RASGEF1A: variants seen among roughly 807,000 people sequenced by gnomAD.
The protein encoded by RASGEF1A is ras-GEF domain-containing family member 1A.
Under a neutral mutation model 56.4 loss-of-function variants are expected in RASGEF1A, and 18 were observed. That is an observed-to-expected ratio of 0.32 (90% CI 0.22 to 0.47). The LOEUF (loss-of-function observed/expected upper bound fraction) is 0.47, where lower values mean the gene tolerates loss of function less well. RASGEF1A is among the 20% of genes least tolerant of loss of function. RASGEF1A has a pLI of 1.00. For missense variants in RASGEF1A, 422 were observed against 627.1 expected (o/e 0.67, Z 3.49); for synonymous variants, 245 against 242.6 (o/e 1.01, Z -0.09).
At chr10:43,231,585 G>A (rs1194322448) in intron 1 of RASGEF1A, among the ~76,000 whole-genome samples, 4 of 152,276 alleles carry the variant, frequency 2.6e-5, no homozygotes, top group African/African-American at 7.2e-5. Context: ...GATTGCACCA[G>A]TGTCACCCAA....
chr10:43,246,358 G>T (rs940283208), intron 1 of RASGEF1A, among the ~76,000 whole-genome samples: 2 of 152,120 alleles, frequency 1.3e-5, no homozygotes, highest in Non-Finnish European at 2.9e-5. Context: ...CAGATTCAAT[G>T]CAATCCCTAT....
At chr10:43,207,930 C>G in intron 1 of RASGEF1A, 1 of 696,912 alleles carries the variant, frequency 1.4e-6, no homozygotes, top group African/African-American at 1.9e-5. Context: ...GTCACCACCT[C>G]CAGGAAGCCT....
chr10:43,199,174 C>T lies in RASGEF1A; in HGVS notation c.870G>A (p.Arg290=). 6.2e-7 allele frequency: 1 copy of T among 1,611,800 alleles called. No individual in the cohort carries two copies. The highest frequency in any genetic ancestry group is 1.3e-5 in the African/African-American group (1 of 75,026). ...CAATGAAGAACTCCAACATGCGGGT[C>T]CGGTGTTTCTTCTTCACCACCTGGA... ...EVCRVVKKKH[R]TRMLEFFIDV... Residue 290 remains arginine, a synonymous_variant, in exon 8 of 13, where the codon CGG becomes CGA. Transcript: ENST00000395810.
intron 2 of RASGEF1A, 75 bp from the exon 3 acceptor site, chr10:43,203,495 T>C: frequency 1.4e-6 from 2 of 1,447,220 alleles, no homozygotes; most frequent in Non-Finnish European, 1.8e-6. Flanking sequence ...CTGCTTCACC[T>C]GGCCCGGCTG....
chr10:43,197,580 C>G (rs972633584), intron 10 of RASGEF1A, among the ~76,000 whole-genome samples: 1 of 152,204 alleles, frequency 6.6e-6, no homozygotes, highest in Non-Finnish European at 1.5e-5. Context: ...ACCCTCCCAT[C>G]CTCACCAGGT....
intron 1 of RASGEF1A, among the ~76,000 whole-genome samples, chr10:43,228,632 G>GGT (rs1840314851): frequency 7.2e-5 from 11 of 152,192 alleles, no homozygotes; most frequent in Non-Finnish European, 1.3e-4. Context: ...CTGCTCTATC[G>GGT]CTGCAGAATG....
chr10:43,227,333 G>A (rs183605981), intron 1 of RASGEF1A, among the ~76,000 whole-genome samples: 1 of 152,254 alleles, frequency 6.6e-6, no homozygotes, highest in Admixed American at 6.5e-5. Context: ...ATGTGTCTGT[G>A]AGTATGTGAC....
At position 43,201,840 on chromosome 10, in the gene RASGEF1A, C is replaced by A. The variant is rs1050439733; in HGVS notation, c.427G>T (p.Ala143Ser). Residue 143 changes from alanine (A) to serine (S), a missense_variant, in exon 4 of 13, where the codon GCC becomes TCC. Physicochemically the swap from Ala to Ser is moderately conservative, Grantham distance 99. Coordinates refer to ENST00000395810, the MANE Select transcript of RASGEF1A (RefSeq NM_145313.4). ...QDEKAMAELK[A>S]ITHRVTQCDE... is the part of the protein sequence containing the mutation. Reference sequence around the variant, plus strand: ...CACTGGGTGACACGGTGTGTGATGGCTTTCAGCTCGGCCATGGCCTTCTCA... The same window carrying A: ...CACTGGGTGACACGGTGTGTGATGGATTTCAGCTCGGCCATGGCCTTCTCA... 5.0e-6 allele frequency: 8 copies of A among 1,610,508 alleles called. No homozygotes were observed. In the African/African-American group the frequency reaches 1.1e-4, roughly 22 times the overall value.
chr10:43,253,723 G>A (rs1191899101), intron 1 of RASGEF1A, among the ~76,000 whole-genome samples: 3 of 152,230 alleles, frequency 2.0e-5, no homozygotes, highest in African/African-American at 4.8e-5. Context: ...ACAGACACCT[G>A]CGTGACCACG....
intron 1 of RASGEF1A, among the ~76,000 whole-genome samples, chr10:43,265,219 G>A (rs1564546825): frequency 6.6e-6 from 1 of 152,188 alleles, no homozygotes; most frequent in South Asian, 2.1e-4. Context: ...CCATTTCCAC[G>A]ATTTGCCAGG....
chr10:43,210,243 G>A (rs1178275549), intron 1 of RASGEF1A, among the ~76,000 whole-genome samples: 3 of 148,840 alleles, frequency 2.0e-5, no homozygotes, highest in Non-Finnish European at 2.9e-5. Flanking sequence ...AGGCCGAGGT[G>A]GATGGATCGC....
intron 1 of RASGEF1A, among the ~76,000 whole-genome samples, chr10:43,254,039 C>T (rs575521049): frequency 7.2e-5 from 11 of 152,330 alleles, no homozygotes; most frequent in Non-Finnish European, 1.5e-4. Context: ...ATCCTCCCCA[C>T]CCTCAGGCCC....
chr10:43,228,691 C>A (rs1840315594), intron 1 of RASGEF1A, among the ~76,000 whole-genome samples: 1 of 152,202 alleles, frequency 6.6e-6, no homozygotes, highest in Non-Finnish European at 1.5e-5. Flanking sequence ...TGCTAGCTCT[C>A]CTACATTGCT....
intron 1 of RASGEF1A, among the ~76,000 whole-genome samples, chr10:43,247,938 C>A (rs1448695249): frequency 3.3e-5 from 5 of 151,850 alleles, no homozygotes; most frequent in Admixed American, 2.6e-4. Context: ...GTGGCACACA[C>A]CTGTAATCCC....
chr10:43,206,684 G>A (rs905152980), intron 1 of RASGEF1A: 12 of 987,180 alleles, frequency 1.2e-5, no homozygotes, highest in South Asian at 4.7e-5. Context: ...TCTGACTTAC[G>A]GTGGCTGCCA....
At chr10:43,197,870 T>C in intron 10 of RASGEF1A, 134 bp downstream of exon 10, 1 of 717,262 alleles carries the variant, frequency 1.4e-6, no homozygotes, top group Non-Finnish European at 2.3e-6. Context: ...TATGAGGCTT[T>C]CAGTCTTGAA....
chr10:43,266,552 G>A (rs1296346653), intron 1 of RASGEF1A, among the ~76,000 whole-genome samples: 1 of 150,222 alleles, frequency 6.7e-6, no homozygotes, highest in African/African-American at 2.4e-5. Context: ...CGCCCGGCCC[G>A]GCCCGGCCCG....
intron 1 of RASGEF1A, among the ~76,000 whole-genome samples, chr10:43,237,459 C>T (rs545484394): frequency 2.3e-3 from 352 of 150,608 alleles, no homozygotes; most frequent in Middle Eastern, 0.01. Context: ...TCCCCTCCCC[C>T]CCACCTCCAT....
At chr10:43,245,372 C>G (rs1226479050) in intron 1 of RASGEF1A, among the ~76,000 whole-genome samples, 2 of 152,172 alleles carry the variant, frequency 1.3e-5, no homozygotes, top group Admixed American at 1.3e-4. Context: ...TAACACCAAT[C>G]CCTTACAATG....
Sources: allele counts gnomAD v4.1 joint callset (sites outside exome capture counted in the v4.1 genomes callset), GRCh38; gene constraint gnomAD v4.1.1; transcripts MANE v1.5; gene names NCBI Gene and HGNC (gene_info 2026-07-23, HGNC 2026-07-21).